Variants in KCNH1 observed in about 807,000 individuals in gnomAD.
KCNH1 encodes voltage-gated delayed rectifier potassium channel KCNH1.
In KCNH1, 27 loss-of-function variants were observed where a neutral mutation model predicts 69.2. The ratio of observed to expected loss-of-function variants is 0.39; its 90% CI spans 0.29 to 0.54. KCNH1 has a LOEUF of 0.54. KCNH1 is among the 20% of genes least tolerant of loss of function. The probability of loss-of-function intolerance (pLI) is 0.68; values close to 1 mark genes in which losing one functional copy is unlikely to be tolerated. For missense variants in KCNH1, 798 were observed against 1,261.6 expected (o/e 0.63, Z 5.57); for synonymous variants, 456 against 487.7 (o/e 0.93, Z 0.86).
intron 5 of KCNH1, among the ~76,000 whole-genome samples, chr1:211,046,276 T>G (rs1401253234): frequency 4.6e-5 from 7 of 152,190 alleles, no homozygotes; most frequent in Admixed American, 4.6e-4. Flanking sequence ...AAAATACTAT[T>G]ATAATCATGA....
At chr1:210,701,000 C>T (rs1020382645) in intron 10 of KCNH1, among the ~76,000 whole-genome samples, 8 of 152,040 alleles carry the variant, frequency 5.3e-5, no homozygotes, top group Non-Finnish European at 8.8e-5. Context: ...TGCAGTGGCG[C>T]GATCTCGGCT....
chr1:211,013,774 A>G (rs1331358426), intron 6 of KCNH1, among the ~76,000 whole-genome samples: 1 of 152,198 alleles, frequency 6.6e-6, no homozygotes, highest in Non-Finnish European at 1.5e-5. Flanking sequence ...CGATGAAGTT[A>G]TTTTCACAAG....
intron 6 of KCNH1, among the ~76,000 whole-genome samples, chr1:210,926,264 AACACACACAC>A (rs141650911): frequency 3.4e-5 from 5 of 148,836 alleles, no homozygotes; most frequent in Non-Finnish European, 7.5e-5. Context: ...ACTCCATCTA[AACACACACAC>A]ACACACACAC....
intron 7 of KCNH1, among the ~76,000 whole-genome samples, chr1:210,836,791 G>C (rs888142408): frequency 1.2e-4 from 18 of 152,162 alleles, no homozygotes; most frequent in African/African-American, 4.3e-4. Context: ...GGCATGGATG[G>C]TAGGCAGAGG....
At chr1:210,788,939 G>A (rs922603782) in intron 9 of KCNH1, among the ~76,000 whole-genome samples, 2 of 151,436 alleles carry the variant, frequency 1.3e-5, no homozygotes, top group Admixed American at 6.6e-5. Flanking sequence ...CTCGTGATCC[G>A]CCCGCCTCGG....
At chr1:210,951,846 A>C (rs1485719480) in intron 6 of KCNH1, among the ~76,000 whole-genome samples, 3 of 152,146 alleles carry the variant, frequency 2.0e-5, no homozygotes, top group African/African-American at 7.2e-5. Context: ...AAATGAAAAC[A>C]GCTATATGAT....
intron 7 of KCNH1, among the ~76,000 whole-genome samples, chr1:210,883,614 C>G (rs1019733272): frequency 2.0e-5 from 3 of 152,194 alleles, no homozygotes; most frequent in African/African-American, 4.8e-5. Flanking sequence ...TCCCAGCCAG[C>G]CTGGCTTAAA....
intron 6 of KCNH1, among the ~76,000 whole-genome samples, chr1:211,008,782 T>C (rs1689334882): frequency 6.6e-6 from 1 of 152,230 alleles, no homozygotes; most frequent in African/African-American, 2.4e-5. Flanking sequence ...CTGTATACTT[T>C]AATGTATTTT....
intron 10 of KCNH1, among the ~76,000 whole-genome samples, chr1:210,700,917 T>G (rs1297154356): frequency 6.6e-6 from 1 of 152,048 alleles, no homozygotes; most frequent in Non-Finnish European, 1.5e-5. Flanking sequence ...TTGTTTGTAC[T>G]TTTTAGTTTC....
chr1:210,729,070 A>G (rs891248186), intron 10 of KCNH1, among the ~76,000 whole-genome samples: 1 of 152,234 alleles, frequency 6.6e-6, no homozygotes, highest in Non-Finnish European at 1.5e-5. Flanking sequence ...TTATACATGA[A>G]ACTGTGAAGC....
At chr1:210,794,140 A>T (rs1684261651) in intron 9 of KCNH1, among the ~76,000 whole-genome samples, 1 of 152,158 alleles carries the variant, frequency 6.6e-6, no homozygotes. Context: ...ATAGAAAAAC[A>T]ACAAGAACAA....
chr1:210,686,025 G>A (rs1046263796), intron 10 of KCNH1, among the ~76,000 whole-genome samples: 2 of 152,174 alleles, frequency 1.3e-5, no homozygotes, highest in Non-Finnish European at 2.9e-5. Flanking sequence ...GTTCCAGTAT[G>A]TGGCTTTCTG....
chr1:210,870,330 A>G (rs1686211900), intron 7 of KCNH1, among the ~76,000 whole-genome samples: 1 of 152,116 alleles, frequency 6.6e-6, no homozygotes, highest in African/African-American at 2.4e-5. Flanking sequence ...CTCCACCACT[A>G]ATACTGTCTC....
intron 5 of KCNH1, among the ~76,000 whole-genome samples, chr1:211,073,893 G>GA (rs556541177): frequency 5.5e-4 from 84 of 151,560 alleles, no homozygotes; most frequent in Non-Finnish European, 1.1e-3. Context: ...AAAGTCAATA[G>GA]AAAAAAATCA....
intron 1 of KCNH1, among the ~76,000 whole-genome samples, chr1:211,115,037 C>T (rs1035450815): frequency 5.9e-5 from 9 of 151,948 alleles, no homozygotes; most frequent in Admixed American, 5.9e-4. Flanking sequence ...GGTGCAATCT[C>T]GGCTCACTGC....
At chr1:210,889,662 T>C (rs1445618954) in intron 7 of KCNH1, among the ~76,000 whole-genome samples, 1 of 152,184 alleles carries the variant, frequency 6.6e-6, no homozygotes, top group Non-Finnish European at 1.5e-5. Context: ...AACCCCATCA[T>C]CTCAGCCCAA....
intron 7 of KCNH1, among the ~76,000 whole-genome samples, chr1:210,842,435 T>TA (rs879295618): frequency 8.6e-4 from 131 of 152,156 alleles, no homozygotes; most frequent in Non-Finnish European, 1.3e-3. Flanking sequence ...ATGGACTAGA[T>TA]AAAAAAATAA....
chr1:211,115,596 A>C (rs537512194), intron 1 of KCNH1, among the ~76,000 whole-genome samples: 2 of 151,346 alleles, frequency 1.3e-5, no homozygotes, highest in Admixed American at 6.6e-5. Context: ...TCGGTCTCCA[A>C]GTTCTTCAGT....
chr1:211,067,757 G>A (rs1690558086), intron 5 of KCNH1, among the ~76,000 whole-genome samples: 1 of 152,224 alleles, frequency 6.6e-6, no homozygotes, highest in Admixed American at 6.5e-5. Context: ...GGGCTAGGAA[G>A]AAGAAACAAC....
Sources: gnomAD v4.1 joint callset for allele counts (sites outside exome capture counted in the v4.1 genomes callset) on GRCh38, gnomAD v4.1.1 for gene constraint, MANE v1.5 for transcripts, NCBI Gene and HGNC (gene_info 2026-07-23, HGNC 2026-07-21) for gene names.